The following ZDHHC5 variants were observed in gnomAD, a reference collection of about 807,000 sequenced individuals.
ZDHHC5 encodes palmitoyltransferase ZDHHC5.
ZDHHC5 carries 22 observed loss-of-function variants against 70.0 expected under a neutral mutation model. The observed-to-expected ratio is 0.31, with a 90% CI of 0.22 to 0.45. ZDHHC5 has a LOEUF of 0.45. Ranked by LOEUF, ZDHHC5 falls within the 20% of genes least tolerant of loss-of-function variation. The probability of loss-of-function intolerance (pLI) is 1.00; values close to 1 mark genes in which losing one functional copy is unlikely to be tolerated. For missense variants in ZDHHC5, 746 were observed against 926.9 expected (o/e 0.80, Z 2.53); for synonymous variants, 313 against 347.8 (o/e 0.90, Z 1.11).
At chr11:57,669,136 C>T (rs769671477) in intron 1 of ZDHHC5, among the ~76,000 whole-genome samples, 30 of 152,274 alleles carry the variant, frequency 2.0e-4, no homozygotes, top group African/African-American at 5.8e-4. Context: ...ATTATATTGC[C>T]ATGTATTTTG....
chr11:57,686,600 G>C (rs1946210900), intron 3 of ZDHHC5, among the ~76,000 whole-genome samples: 1 of 152,072 alleles, frequency 6.6e-6, no homozygotes, highest in Non-Finnish European at 1.5e-5. Flanking sequence ...ACAGGCATGA[G>C]CCACTGTGCC....
intron 1 of ZDHHC5, among the ~76,000 whole-genome samples, chr11:57,671,676 A>G (rs187868370): frequency 2.0e-5 from 3 of 152,332 alleles, no homozygotes; most frequent in South Asian, 2.1e-4. Flanking sequence ...TCTTTGTTCT[A>G]GGACTGCCCT....
At position 57,682,540 on chromosome 11, in the gene ZDHHC5, C is replaced by A; in HGVS notation, c.223C>A (p.Arg75=). Residue 75 remains arginine, a synonymous_variant, in exon 3 of 12, where the codon CGA becomes AGA. Coordinates refer to ENST00000287169, the MANE Select transcript of ZDHHC5 (RefSeq NM_015457.3). ...ATFMDPGIFP[R]AEEDEDKEDD... ...CTTCATGGACCCAGGGATTTTCCCT[C>A]GAGGTAAGATCTGCTTCTCTCTTAG... 1 of 1,613,862 alleles carries A rather than the reference C, an allele frequency of 6.2e-7. No individual in the cohort carries two copies.
At position 57,696,841 on chromosome 11, in the gene ZDHHC5, T is replaced by A; in HGVS notation, c.1090T>A (p.Ser364Thr). 1 of 1,613,896 alleles carries A rather than the reference T, an allele frequency of 6.2e-7. No individual in the cohort carries two copies. Among genetic ancestry groups the A allele is most frequent in the Non-Finnish European group, 8.5e-7 (1 of 1,179,884 alleles). Reference sequence around the variant, plus strand: ...GCCGGGTTACAGTAGCAGCAGTACGTCAGCTGCCATGCCGCATTCCTCCAG... The same window carrying A: ...GCCGGGTTACAGTAGCAGCAGTACGACAGCTGCCATGCCGCATTCCTCCAG... ...YRPGYSSSST[S>T]AAMPHSSSAK... Residue 364 changes from serine (S) to threonine (T), a missense_variant, in exon 10 of 12, where the codon TCA (serine) becomes ACA (threonine). Physicochemically the swap from Ser to Thr is moderately conservative, Grantham distance 58 (BLOSUM62 1). Coordinates refer to ENST00000287169, the MANE Select transcript of ZDHHC5 (RefSeq NM_015457.3).
intron 3 of ZDHHC5, among the ~76,000 whole-genome samples, chr11:57,685,627 C>T (rs184649397): frequency 6.6e-6 from 1 of 151,290 alleles, no homozygotes; most frequent in East Asian, 2.0e-4. Context: ...CTAGCCTGGG[C>T]GATAAGAGCA....
intron 1 of ZDHHC5, among the ~76,000 whole-genome samples, 196 bp from the exon 2 acceptor site, chr11:57,671,825 T>C (rs1054904428): frequency 4.6e-5 from 7 of 152,214 alleles, no homozygotes; most frequent in Non-Finnish European, 1.0e-4. Context: ...GCTTCCAATC[T>C]GAACAGAGCA....
intron 2 of ZDHHC5, among the ~76,000 whole-genome samples, chr11:57,674,022 G>T (rs1430189551): frequency 1.3e-5 from 2 of 152,176 alleles, no homozygotes; most frequent in Non-Finnish European, 2.9e-5. Flanking sequence ...CTACCCAGAT[G>T]GTTTTCTTTG....
At chr11:57,695,210 C>T (rs1380974690) in intron 8 of ZDHHC5, among the ~76,000 whole-genome samples, 5 of 151,854 alleles carry the variant, frequency 3.3e-5, no homozygotes, top group Non-Finnish European at 4.4e-5. Context: ...TGCAGTGAGC[C>T]GAGATCATGC....
At chr11:57,690,506 CAGTGT>C in intron 6 of ZDHHC5, 69 bp downstream of exon 6, 1 of 1,481,978 alleles carries the variant, frequency 6.7e-7, no homozygotes, top group Non-Finnish European at 9.4e-7. Flanking sequence ...GATTAGTGTG[CAGTGT>C]AGTGCTTCCA....
Position 57,672,906 on chromosome 11 carries a change from C to T in ZDHHC5, c.-185C>T. The T allele has an allele frequency of 1.8e-6, 1 of 554,296 alleles. No homozygotes were observed. The highest frequency in any genetic ancestry group is 2.1e-5 in the South Asian group (1 of 47,802). 34.3% of individuals were successfully genotyped at this position (554,296 alleles called of 1,614,324 possible). On this transcript the variant is annotated 5_prime_UTR_variant, in exon 2 of 12. Transcript: ENST00000287169. Reference sequence around the variant, plus strand: ...CACCTTTCCCCCTCCCATGTGCTTTCCTTCATTTGAGATCTTTTGACCTTT... The same window carrying T: ...CACCTTTCCCCCTCCCATGTGCTTTTCTTCATTTGAGATCTTTTGACCTTT...
intron 3 of ZDHHC5, among the ~76,000 whole-genome samples, chr11:57,686,440 C>T (rs750275543): frequency 5.9e-5 from 9 of 151,946 alleles, no homozygotes; most frequent in Admixed American, 2.0e-4. Flanking sequence ...CTCAGCCTCC[C>T]GAGTCGCTGG....
Position 57,700,121 on chromosome 11 carries a change from C to A in ZDHHC5, c.*90C>A, listed in dbSNP as rs996246810. 4 of 1,433,022 alleles carry A rather than the reference C, an allele frequency of 2.8e-6. No homozygotes were observed. Among genetic ancestry groups the A allele is most frequent in the South Asian group, 1.5e-5 (1 of 67,670 alleles). The allele number at this position is 1,433,022 out of a possible 1,614,324, so 88.8% of individuals were successfully genotyped here. On this transcript the variant is annotated 3_prime_UTR_variant, in exon 12 of 12. Coordinates refer to ENST00000287169, the MANE Select transcript of ZDHHC5 (RefSeq NM_015457.3). ...TCCTTCCCTCAAGGGGCTCCCCTCC[C>A]GTGCATGGACATTTTTTAAACCACC...
chr11:57,687,164 A>G (rs975102963), intron 3 of ZDHHC5, among the ~76,000 whole-genome samples: 3 of 152,184 alleles, frequency 2.0e-5, no homozygotes, highest in Admixed American at 6.5e-5. Context: ...CTTGTGATGT[A>G]AATATGAAAA....
chr11:57,697,605 T>C lies in ZDHHC5; in HGVS notation c.1122+732T>C, dbSNP rs192610278. ...TGGCAGTGAGTCGAGATTGCGCCAC[T>C]GCACTCCAGTCTGGGTGACAGAGTG... On this transcript the variant is annotated intron_variant, in intron 10 of 11. Coordinates refer to ENST00000287169, the MANE Select transcript of ZDHHC5 (RefSeq NM_015457.3). Among the ~76,000 whole-genome samples the C allele has an allele frequency of 1.3e-4, 19 of 142,600 alleles. No individual in the cohort carries two copies. The East Asian group carries it at 4.0e-3, about 30-fold the overall frequency. 93.6% of individuals were successfully genotyped at this position (142,600 alleles called of 152,430 possible). A position where few individuals can be genotyped will look rare whatever the true frequency, so the allele number is the denominator to read the frequency against.
intron 7 of ZDHHC5, 66 bp from the exon 8 acceptor site, chr11:57,693,717 C>G: frequency 6.8e-7 from 1 of 1,470,858 alleles, no homozygotes; most frequent in Non-Finnish European, 9.0e-7. Context: ...ACAGTAGATA[C>G]TTTAAAATAT....
chr11:57,696,182 G>T, intron 9 of ZDHHC5, 139 bp downstream of exon 9: 1 of 1,352,870 alleles, frequency 7.4e-7, no homozygotes. Flanking sequence ...TGGTACTTGT[G>T]CTACTTTGCA....
chr11:57,668,209 C>T (rs1055231956), intron 1 of ZDHHC5, 22 bp downstream of exon 1: 2 of 360,536 alleles, frequency 5.5e-6, no homozygotes, highest in East Asian at 4.1e-5. Flanking sequence ...GGACACCGGT[C>T]CCTGCGGAAC....
In ZDHHC5 at chr11:57,698,930, C is replaced by T. The variant is rs1389793571; in HGVS notation, c.1494C>T (p.Thr498=). 1 of 1,614,076 alleles carries T rather than the reference C, an allele frequency of 6.2e-7. No individual in the cohort carries two copies. The highest frequency in any genetic ancestry group is 8.5e-7 in the Non-Finnish European group (1 of 1,180,028). ...GPEPDPPLGY[T]SPFLSARLAQ... is the part of the protein sequence containing the mutation. ...AGCCAGACCCACCTTTAGGCTATACCTCTCCCTTCCTGTCAGCCAGGCTGG... is the reference window on the plus strand; with the variant it reads ...AGCCAGACCCACCTTTAGGCTATACTTCTCCCTTCCTGTCAGCCAGGCTGG... Residue 498 remains threonine, a synonymous_variant, in exon 11 of 12, where the codon ACC becomes ACT. Transcript: ENST00000287169.
chr11:57,681,472 C>T (rs1237384244), intron 2 of ZDHHC5: 1 of 152,292 alleles, frequency 6.6e-6, no homozygotes, highest in Admixed American at 6.5e-5. Flanking sequence ...TCTCCCTGAG[C>T]TGAGACGAGA....
Sources: gnomAD v4.1 joint callset for allele counts (sites outside exome capture counted in the v4.1 genomes callset) on GRCh38, gnomAD v4.1.1 for gene constraint, MANE v1.5 for transcripts, NCBI Gene and HGNC (gene_info 2026-07-23, HGNC 2026-07-21) for gene names.